Variants in ATP10B observed in about 807,000 individuals in gnomAD.
ATP10B encodes the protein phospholipid-transporting ATPase VB.
ATP10B carries 122 observed loss-of-function variants against 141.2 expected under a neutral mutation model. That is an observed-to-expected ratio of 0.86 (90% confidence interval 0.75 to 1.00). ATP10B has a LOEUF of 1.00. Among genes scored for constraint, ATP10B ranks in the 50% least tolerant of loss-of-function variants. ATP10B has a pLI of 0.00. For missense variants in ATP10B, 1,876 were observed against 1,825.3 expected (o/e 1.03, Z -0.51); for synonymous variants, 685 against 692.0 (o/e 0.99, Z 0.16).
intron 2 of ATP10B, among the ~76,000 whole-genome samples, chr5:160,773,250 C>T (rs150311404): frequency 1.3e-5 from 2 of 152,234 alleles, no homozygotes; most frequent in East Asian, 1.9e-4. Flanking sequence ...GAAAAATAGT[C>T]GTAGTCTTAG....
intron 18 of ATP10B, chr5:160,612,361 G>C (rs1184236674): frequency 1.9e-5 from 3 of 161,728 alleles, no homozygotes; most frequent in Non-Finnish European, 4.0e-5. Context: ...CACTAGCTCA[G>C]TTCTAGACTT....
At chr5:160,862,574 A>G in the ATP10B span, among the ~76,000 whole-genome samples, 434 of 152,096 alleles carry the variant, frequency 2.9e-3, 1 homozygote, top group Admixed American at 4.1e-3. Flanking sequence ...AGTATTCTTT[A>G]TAAAGCCTTT....
chr5:160,912,764 G>A, the ATP10B span, among the ~76,000 whole-genome samples: 29 of 152,308 alleles, frequency 1.9e-4, no homozygotes, highest in South Asian at 2.3e-3. Flanking sequence ...GTTAAATTAA[G>A]TGTGCTTTTC....
At chr5:160,883,852 C>A in the ATP10B span, among the ~76,000 whole-genome samples, 20,969 of 151,888 alleles carry the variant, frequency 0.14, 1,567 homozygotes, top group African/African-American at 0.19. Flanking sequence ...TGGCTGCTTT[C>A]GTACATTATT....
chr5:160,572,623 C>T (rs1252571680), intron 24 of ATP10B, among the ~76,000 whole-genome samples: 2 of 152,134 alleles, frequency 1.3e-5, no homozygotes, highest in East Asian at 3.8e-4. Flanking sequence ...TTAGTCTCAC[C>T]ACTCATTTAA....
chr5:160,680,385 A>G (rs1409249704), intron 6 of ATP10B, among the ~76,000 whole-genome samples: 1 of 152,180 alleles, frequency 6.6e-6, no homozygotes, highest in East Asian at 1.9e-4. Flanking sequence ...TATGTCTTTT[A>G]GCATCCATCA....
chr5:160,755,754 G>A (rs1768486915), intron 2 of ATP10B, among the ~76,000 whole-genome samples: 2 of 138,844 alleles, frequency 1.4e-5, no homozygotes, highest in South Asian at 4.7e-4. Flanking sequence ...GGCGGAGCTT[G>A]CAGTGAGCCG....
rs61734666 is a variant in ATP10B, at chr5:160,620,752, C to T, written c.2011G>A (p.Gly671Arg). The T allele has an allele frequency of 0.02, 32,346 of 1,614,220 alleles. 366 individuals carry two copies. Among genetic ancestry groups the T allele is most frequent in the Middle Eastern group, 0.039 (237 of 6,062 alleles). Reference protein sequence around the residue: ...DERDDASVCSGGDSTDDGGYR... With the variant: ...DERDDASVCSRGDSTDDGGYR... ...CCACCGTCATCAGTGGAGTCACCTCCACTGCACACAGATGCATCATCTCTC... is the reference window on the plus strand; with the variant it reads ...CCACCGTCATCAGTGGAGTCACCTCTACTGCACACAGATGCATCATCTCTC... The change falls in exon 15 of 26, where the codon GGA becomes AGA. Residue 671 changes from glycine to arginine, a missense_variant. Physicochemically the swap from Gly to Arg is moderately radical, Grantham distance 125. Coordinates refer to ENST00000327245, the MANE Select transcript of ATP10B (RefSeq NM_025153.3).
chr5:160,843,959 ATTTTC>A (rs1407789390), intron 1 of ATP10B, among the ~76,000 whole-genome samples: 1 of 151,944 alleles, frequency 6.6e-6, no homozygotes, highest in Non-Finnish European at 1.5e-5. Context: ...GTTTAGTATT[ATTTTC>A]TTAAGTAGAA....
At chr5:160,912,051 A>G in the ATP10B span, among the ~76,000 whole-genome samples, 1 of 139,502 alleles carries the variant, frequency 7.2e-6, no homozygotes, top group Non-Finnish European at 1.6e-5. Context: ...GCACTCCAGT[A>G]GAGAGAGAGA....
At chr5:160,703,511 C>T (rs1764799902) in intron 3 of ATP10B, among the ~76,000 whole-genome samples, 1 of 149,606 alleles carries the variant, frequency 6.7e-6, no homozygotes, top group South Asian at 2.1e-4. Context: ...GAGTCTCACT[C>T]TTGTCACTCA....
At position 160,592,789 on chromosome 5, in the gene ATP10B, C is replaced by T. The variant is rs549642024; in HGVS notation, c.3565-1650G>A. On this transcript the variant is annotated intron_variant, in intron 22 of 25. Transcript: ENST00000327245. ...CCTGCACATGGCTTGGAGGGTCCTA[C>T]GCCCATGGAGTCTCGCTGATTGCTA... 1.8e-4 allele frequency among the ~76,000 whole-genome samples: 27 copies of T among 152,340 alleles called. No individual in the cohort carries two copies. In the South Asian group the frequency reaches 2.5e-3, roughly 14 times the overall value.
intron 2 of ATP10B, among the ~76,000 whole-genome samples, chr5:160,758,483 G>A (rs914200432): frequency 2.0e-5 from 3 of 152,122 alleles, no homozygotes; most frequent in Non-Finnish European, 4.4e-5. Context: ...CTGTCCTCTT[G>A]GTTCCTTTAC....
chr5:160,578,959 T>G (rs968185617), intron 24 of ATP10B, among the ~76,000 whole-genome samples: 2 of 152,254 alleles, frequency 1.3e-5, no homozygotes, highest in African/African-American at 4.8e-5. Flanking sequence ...TTTCATATGT[T>G]TGTTGGCCAC....
intron 13 of ATP10B, among the ~76,000 whole-genome samples, chr5:160,631,762 T>TG (rs1488720190): frequency 6.6e-6 from 1 of 151,924 alleles, no homozygotes; most frequent in African/African-American, 2.4e-5. Flanking sequence ...AGAAGGTGGG[T>TG]GGGGGGCTGT....
intron 3 of ATP10B, among the ~76,000 whole-genome samples, chr5:160,709,713 C>T (rs1227899014): frequency 1.2e-4 from 14 of 118,648 alleles, no homozygotes; most frequent in East Asian, 7.6e-4. Flanking sequence ...CACCCACTAA[C>T]GTGTCATCTA....
At chr5:160,866,062 G>A in the ATP10B span, among the ~76,000 whole-genome samples, 1 of 151,990 alleles carries the variant, frequency 6.6e-6, no homozygotes, top group Non-Finnish European at 1.5e-5. Flanking sequence ...AGCACTACTG[G>A]GTATCTACCC....
At chr5:160,720,538 G>T (rs1259986640) in intron 2 of ATP10B, among the ~76,000 whole-genome samples, 5 of 152,218 alleles carry the variant, frequency 3.3e-5, no homozygotes, top group African/African-American at 1.2e-4. Context: ...ATGCCTGAAA[G>T]CTTCTTCAAT....
At chr5:160,811,077 G>A (rs1773121133) in intron 1 of ATP10B, among the ~76,000 whole-genome samples, 1 of 152,166 alleles carries the variant, frequency 6.6e-6, no homozygotes, top group Admixed American at 6.5e-5. Flanking sequence ...GGGCCAGAAG[G>A]GAATCTCTGC....
Sources: allele counts gnomAD v4.1 joint callset (sites outside exome capture counted in the v4.1 genomes callset), GRCh38; gene constraint gnomAD v4.1.1; transcripts MANE v1.5; gene names NCBI Gene and HGNC (gene_info 2026-07-23, HGNC 2026-07-21).